The following CSMD1 variants were observed in gnomAD, a reference collection of about 807,000 sequenced individuals.
CSMD1 encodes the protein CUB and Sushi multiple domains 1.
A neutral mutation model predicts 417.5 loss-of-function variants in CSMD1; 213 were observed. The observed-to-expected ratio is 0.51, with a 90% CI of 0.46 to 0.57. CSMD1 has a LOEUF of 0.57. Among genes scored for constraint, CSMD1 ranks in the 20% least tolerant of loss-of-function variants. CSMD1 has a pLI of 0.00. For synonymous variants in CSMD1, 2,862 were observed against 1,736.8 expected (o/e 1.65, Z -16.11); for missense variants, 6,923 against 4,529.7 (o/e 1.53, Z -15.17).
At position 4,487,743 on chromosome 8, in the gene CSMD1, C is replaced by G. The variant is rs567727596; in HGVS notation, c.303-67678G>C. On this transcript the variant is annotated intron_variant, in intron 2 of 69. Coordinates refer to ENST00000635120, the MANE Select transcript of CSMD1 (RefSeq NM_033225.6). ...AGAGGATATAAAAATAAAGTGTACT[C>G]AGTCTAACTGCCTTAATCGTCTAAA... 2.2e-4 allele frequency among the ~76,000 whole-genome samples: 33 copies of G among 152,302 alleles called. No individual in the cohort carries two copies. The South Asian group carries it at 5.6e-3, about 26-fold the overall frequency.
At chr8:3,831,802 G>C (rs1802393722) in intron 5 of CSMD1, among the ~76,000 whole-genome samples, 1 of 152,144 alleles carries the variant, frequency 6.6e-6, no homozygotes, top group Non-Finnish European at 1.5e-5. Context: ...ACGCGGGACT[G>C]TGAAATGCTG....
intron 1 of CSMD1, among the ~76,000 whole-genome samples, chr8:4,829,979 G>A (rs544573128): frequency 4.6e-5 from 7 of 152,034 alleles, no homozygotes; most frequent in African/African-American, 1.2e-4. Context: ...CAAACATATC[G>A]GACAGCTTGT....
chr8:4,961,578 G>C (rs921156836), intron 1 of CSMD1, among the ~76,000 whole-genome samples: 3 of 152,076 alleles, frequency 2.0e-5, no homozygotes, highest in Admixed American at 6.6e-5. Context: ...TTGTTATCTA[G>C]TGCTCATGGT....
At chr8:3,180,095 G>C (rs192917463) in intron 37 of CSMD1, among the ~76,000 whole-genome samples, 2 of 152,308 alleles carry the variant, frequency 1.3e-5, no homozygotes, top group South Asian at 2.1e-4. Context: ...TATTAAAGGA[G>C]ATGAATATCA....
At chr8:4,145,403 A>G (rs1264362671) in intron 3 of CSMD1, among the ~76,000 whole-genome samples, 1 of 151,164 alleles carries the variant, frequency 6.6e-6, no homozygotes, top group Non-Finnish European at 1.5e-5. Context: ...TCTTTGGGCA[A>G]TTGTGACTTA....
At chr8:3,756,461 A>G (rs183076455) in intron 5 of CSMD1, among the ~76,000 whole-genome samples, 14 of 152,352 alleles carry the variant, frequency 9.2e-5, no homozygotes, top group African/African-American at 3.4e-4. Context: ...TAGAAAATTT[A>G]AAAACTACAA....
At chr8:4,111,056 C>A (rs924130523) in intron 3 of CSMD1, among the ~76,000 whole-genome samples, 7 of 152,122 alleles carry the variant, frequency 4.6e-5, no homozygotes, top group Non-Finnish European at 8.8e-5. Flanking sequence ...ATAAACCTTG[C>A]ACCGCATGGA....
intron 5 of CSMD1, among the ~76,000 whole-genome samples, chr8:3,861,000 T>A (rs914445287): frequency 1.3e-5 from 2 of 152,230 alleles, no homozygotes; most frequent in Non-Finnish European, 2.9e-5. Context: ...ATGGAAAGTA[T>A]GACAGATATG....
chr8:3,291,605 T>C (rs1803570687), intron 25 of CSMD1, among the ~76,000 whole-genome samples: 1 of 152,346 alleles, frequency 6.6e-6, no homozygotes, highest in South Asian at 2.1e-4. Context: ...TATTCTAGTT[T>C]ATTTGCATAG....
intron 1 of CSMD1, among the ~76,000 whole-genome samples, chr8:4,676,394 T>A (rs1158103557): frequency 6.6e-6 from 1 of 152,176 alleles, no homozygotes; most frequent in Admixed American, 6.6e-5. Context: ...TGACTTTGAC[T>A]TCCCCATCCA....
chr8:4,401,204 G>A (rs1017370748), intron 3 of CSMD1, among the ~76,000 whole-genome samples: 18 of 152,026 alleles, frequency 1.2e-4, no homozygotes, highest in Admixed American at 1.2e-3. Flanking sequence ...TCTTCAAACG[G>A]TTTCTGAAAT....
In CSMD1 at chr8:3,408,755, T is replaced by G. The variant is rs562902730; in HGVS notation, c.1745-530A>C. Among the ~76,000 whole-genome samples the G allele has an allele frequency of 3.9e-5, 6 of 152,166 alleles. 1 individual carries two copies. The South Asian group carries it at 1.2e-3, about 32-fold the overall frequency. On this transcript the variant is annotated intron_variant, in intron 13 of 69. Coordinates refer to ENST00000635120, the MANE Select transcript of CSMD1 (RefSeq NM_033225.6). ...TTCTAGTTGGATAATATAAAGTATT[T>G]TGAAAAATTTACTTTTAAGAATGTG...
At chr8:4,953,794 C>A (rs1171745296) in intron 1 of CSMD1, among the ~76,000 whole-genome samples, 1 of 152,042 alleles carries the variant, frequency 6.6e-6, no homozygotes, top group African/African-American at 2.4e-5. Context: ...GTAATTTTCC[C>A]AAAATGTGGT....
At chr8:4,031,428 C>A (rs962382690) in intron 4 of CSMD1, among the ~76,000 whole-genome samples, 2 of 152,134 alleles carry the variant, frequency 1.3e-5, no homozygotes. Flanking sequence ...TTAAAACCAT[C>A]AGATCTCATA....
rs1237643033 is a variant in CSMD1 at position 4,370,552 on chromosome 8, C to G, written c.415+49401G>C. 2.0e-5 allele frequency among the ~76,000 whole-genome samples: 3 copies of G among 152,300 alleles called. No homozygotes were observed. In the East Asian group the frequency reaches 5.8e-4, roughly 29 times the overall value. On this transcript the variant is annotated intron_variant, in intron 3 of 69. Coordinates refer to ENST00000635120, the MANE Select transcript of CSMD1 (RefSeq NM_033225.6). ...ATGTGTTTCTCAAGTTTCTTGCTCT[C>G]TTTCTCTTGCTGGAATAACAATGAG...
intron 1 of CSMD1, among the ~76,000 whole-genome samples, chr8:4,762,708 C>A (rs1434619692): frequency 1.3e-5 from 2 of 152,098 alleles, no homozygotes; most frequent in African/African-American, 4.8e-5. Context: ...AGATGCATCA[C>A]CAGAGCGAGC....
chr8:4,887,924 T>C (rs1014367523), intron 1 of CSMD1, among the ~76,000 whole-genome samples: 8 of 152,114 alleles, frequency 5.3e-5, no homozygotes, highest in Non-Finnish European at 1.0e-4. Flanking sequence ...GTATTTTTTA[T>C]CTAAAGTGAG....
chr8:4,838,622 T>TGCTATTGCAAAACAATAGC (rs765607128), intron 1 of CSMD1, among the ~76,000 whole-genome samples: 13 of 152,352 alleles, frequency 8.5e-5, no homozygotes, highest in Non-Finnish European at 1.3e-4. Context: ...GATGGAAACA[T>TGCTATTGCAAAACAATAGC]GCTATTGCAA....
chr8:3,776,108 C>G (rs182088891), intron 5 of CSMD1, among the ~76,000 whole-genome samples: 2 of 152,166 alleles, frequency 1.3e-5, no homozygotes, highest in South Asian at 2.1e-4. Flanking sequence ...CCTCCCCCAT[C>G]CTTCCTTCCT....
Sources: gnomAD v4.1 joint callset for allele counts (sites outside exome capture counted in the v4.1 genomes callset) on GRCh38, gnomAD v4.1.1 for gene constraint, MANE v1.5 for transcripts, NCBI Gene and HGNC (gene_info 2026-07-23, HGNC 2026-07-21) for gene names.